Variants in PLEC observed in about 807,000 individuals in gnomAD.
The protein encoded by PLEC is hemidesmosomal protein 1.
In PLEC, 216 loss-of-function variants were observed where a neutral mutation model predicts 392.8. The ratio of observed to expected loss-of-function variants is 0.55; its 90% CI spans 0.49 to 0.62. The LOEUF (loss-of-function observed/expected upper bound fraction) is 0.62, where lower values mean the gene tolerates loss of function less well. Among genes scored for constraint, PLEC ranks in the 20% least tolerant of loss-of-function variants. PLEC has a pLI of 0.00. For missense variants in PLEC, 6,863 were observed against 6,563.4 expected (o/e 1.05, Z -1.58); for synonymous variants, 3,621 against 2,980.6 (o/e 1.21, Z -7.00).
At position 143,928,009 on chromosome 8, in the gene PLEC, G is replaced by A. The variant is rs782086377; in HGVS notation, c.3261-17C>T. 4 of 1,585,044 alleles carry A rather than the reference G, an allele frequency of 2.5e-6. No individual in the cohort carries two copies. Among genetic ancestry groups the A allele is most frequent in the African/African-American group, 2.7e-5 (2 of 74,254 alleles). ...GTCTTGAGCCTGGCGGGAAAGCGGGGCTCAGGGCCATGACATGGGGCTCGA... is the reference window on the plus strand; with the variant it reads ...GTCTTGAGCCTGGCGGGAAAGCGGGACTCAGGGCCATGACATGGGGCTCGA... On this transcript the variant is annotated splice_polypyrimidine_tract_variant and intron_variant, in intron 25 of 31. Coordinates refer to ENST00000345136, the MANE Select transcript of PLEC (RefSeq NM_201384.3).
At chr8:143,942,457 C>A, upstream of PLEC, 1 of 1,601,492 alleles carries the variant, frequency 6.2e-7, no homozygotes, top group Non-Finnish European at 8.5e-7. Flanking sequence ...GTCCAGCCAG[C>A]ACGGCCGCTC....
rs1823340361 is a variant in PLEC at position 143,922,825 on chromosome 8, C to G, written c.7104G>C (p.Leu2368=). 1.3e-6 allele frequency: 2 copies of G among 1,584,778 alleles called. No homozygotes were observed. The highest frequency in any genetic ancestry group is 1.7e-6 in the Non-Finnish European group (2 of 1,167,990). The stretch of plus-strand genomic sequence containing the variant: ...CCAGCTGCCGCTGCCGCTCGGCCTC[C>G]AGCGTCCGCTGGAAGCCCTGCGTCT... ...AEETQGFQRT[L]EAERQRQLEM... is the part of the protein sequence containing the mutation. Residue 2368 remains leucine, a synonymous_variant, in exon 31 of 32, where the codon CTG becomes CTC. Transcript: ENST00000345136.
Position 143,915,585 on chromosome 8 carries a change from G to A in PLEC, c.*592C>T, listed in dbSNP as rs1554667271. ...CCGACATGGAAGGCACTTACTAGGG[G>A]AACAGAGGCTGGAGGCTGACGCCGG... On this transcript the variant is annotated 3_prime_UTR_variant, in exon 32 of 32. Transcript: ENST00000345136. 1 of 152,686 alleles carries A rather than the reference G, an allele frequency of 6.5e-6. No homozygotes were observed. Among genetic ancestry groups the A allele is most frequent in the Non-Finnish European group, 1.5e-5 (1 of 68,296 alleles). The allele number at this position is 152,686 out of a possible 1,614,324, so 9.5% of individuals were successfully genotyped here. A position where few individuals can be genotyped will look rare whatever the true frequency, so the allele number is the denominator to read the frequency against.
At chr8:143,953,204 C>G (rs2132775509), upstream of PLEC, among the ~76,000 whole-genome samples, 1 of 151,066 alleles carries the variant, frequency 6.6e-6, no homozygotes, top group South Asian at 2.1e-4. Flanking sequence ...CACTCCAGAC[C>G]CCTTTGGGTT....
In PLEC at chr8:143,929,936, C is replaced by T. The variant is rs200436731; in HGVS notation, c.2739G>A (p.Thr913=). The change falls in exon 22 of 32, where the codon ACG becomes ACA. Residue 913 remains threonine (T), a splice_region_variant and synonymous_variant. Coordinates refer to ENST00000345136, the MANE Select transcript of PLEC (RefSeq NM_201384.3). Reference sequence around the variant, plus strand: ...GCCCCCGGCTCGGGGGCAGGCGTACCGTGGCCAGGGACCAGGAGCGGATGA... The same window carrying T: ...GCCCCCGGCTCGGGGGCAGGCGTACTGTGGCCAGGGACCAGGAGCGGATGA... The part of the protein sequence containing the change: ...VQLIRSWSLA[T]FRTLKPEEQR... 244 of 1,609,778 alleles carry T rather than the reference C, an allele frequency of 1.5e-4. 1 individual carries two copies. The East Asian group carries it at 4.3e-3, about 29-fold the overall frequency.
rs374313865 is a variant in PLEC at position 143,932,693 on chromosome 8, G to C, written c.1757C>G (p.Thr586Ser). 8 of 1,608,180 alleles carry C rather than the reference G, an allele frequency of 5.0e-6. No individual in the cohort carries two copies. In the Admixed American group the frequency reaches 6.7e-5, roughly 14 times the overall value. Reference sequence around the variant, plus strand: ...CAGGCAGTCACGGTAGGCACCCCGGGTGGCGGGGGAGAGCTGGCCCTGCAA... The same window carrying C: ...CAGGCAGTCACGGTAGGCACCCCGGCTGGCGGGGGAGAGCTGGCCCTGCAA... ...RSDEGQLSPA[T>S]RGAYRDCLGR... The change falls in exon 15 of 32, where the codon ACC (threonine) becomes AGC (serine). Residue 586 changes from threonine (T) to serine (S), a missense_variant. By Grantham distance (58) the Thr-to-Ser change is moderately conservative. Coordinates refer to ENST00000345136, the MANE Select transcript of PLEC (RefSeq NM_201384.3).
intron 30 of PLEC, 38 bp from the exon 31 acceptor site, chr8:143,925,922 A>C: frequency 3.3e-6 from 5 of 1,531,804 alleles, no homozygotes; most frequent in Non-Finnish European, 4.4e-6. Flanking sequence ...AAGCAGAGAG[A>C]GTGTGAACAC....
In PLEC at chr8:143,920,503, C is replaced by T. The variant is rs1554682022; in HGVS notation, c.9318G>A (p.Arg3106=). ...AGACGCTCTGCCCTGTGTAGGGGTC[C>T]CTGTACCCTGTCACAGCCTTCTCGG... ...LSAEKAVTGY[R]DPYTGQSVSL... is the part of the protein sequence containing the mutation. Residue 3106 remains arginine (R), a synonymous_variant, in exon 32 of 32, where the codon AGG becomes AGA. Transcript: ENST00000345136. 2 of 1,610,622 alleles carry T rather than the reference C, an allele frequency of 1.2e-6. No homozygotes were observed. The highest frequency in any genetic ancestry group is 1.3e-5 in the African/African-American group (1 of 75,036).
rs782647747 is a variant in PLEC, at chr8:143,929,866, C to T, written c.2740-37G>A. 19 of 1,600,338 alleles carry T rather than the reference C, an allele frequency of 1.2e-5. 1 individual carries two copies. The highest frequency in any genetic ancestry group is 6.6e-5 in the South Asian group (6 of 90,842). ...ACGTGGGGCTGAGTGCCGGGCGAGG[C>T]GGCCGTGCCCTGCACAACGCCTCTC... On this transcript the variant is annotated intron_variant, in intron 22 of 31. Transcript: ENST00000345136.
chr8:143,960,489 T>C (rs1414614275), intron 1 of PLEC, among the ~76,000 whole-genome samples: 9 of 150,378 alleles, frequency 6.0e-5, no homozygotes, highest in Admixed American at 4.6e-4. Flanking sequence ...TGGTGGCGGG[T>C]GCCTGTAATC....
At chr8:143,956,431 G>A (rs1041430562), upstream of PLEC, among the ~76,000 whole-genome samples, 1 of 152,184 alleles carries the variant, frequency 6.6e-6, no homozygotes, top group Non-Finnish European at 1.5e-5. Flanking sequence ...ATCCTGACAC[G>A]GTGGCCTGGG....
Position 143,922,347 on chromosome 8 carries a change from G to A in PLEC, c.7474C>T (p.Gln2492Ter). The change falls in exon 32 of 32, where the codon CAG becomes TAG. Residue 2492 changes from glutamine (Q) to a stop codon, truncating the protein, a stop_gained. Coordinates refer to ENST00000345136, the MANE Select transcript of PLEC (RefSeq NM_201384.3). LOFTEE classifies it low-confidence loss of function (END_TRUNC). Reference protein sequence around the residue: ...EQLLQETQALQQSFLSEKDSL... With the variant: ...EQLLQETQAL ...TCCTTTTCAGAGAGGAAGCTTTGCT[G>A]CAGGGCCTGCGTCTCCTGCAGCAGC... 1 of 1,605,172 alleles carries A rather than the reference G, an allele frequency of 6.2e-7. No homozygotes were observed. The highest frequency in any genetic ancestry group is 8.5e-7 in the Non-Finnish European group (1 of 1,179,964).
chr8:143,952,264 G>A (rs1365593200), upstream of PLEC, among the ~76,000 whole-genome samples: 4 of 152,158 alleles, frequency 2.6e-5, no homozygotes, highest in South Asian at 4.1e-4. Context: ...GTGTGGTGGC[G>A]GGGAAACTCC....
intron 1 of PLEC, among the ~76,000 whole-genome samples, chr8:143,972,267 A>C (rs1833467159): frequency 6.6e-6 from 1 of 152,190 alleles, no homozygotes; most frequent in Admixed American, 6.5e-5. Context: ...GGCCATGTAG[A>C]GCATGAGCAA....
upstream of PLEC, among the ~76,000 whole-genome samples, chr8:143,952,206 ACACGCGCG>A (rs782509556): frequency 1.0e-4 from 13 of 124,028 alleles, no homozygotes; most frequent in African/African-American, 9.5e-5. Flanking sequence ...ACACACACAC[ACACGCGCG>A]CACACACGCA....
chr8:143,975,521 A>C (rs1833631504), upstream of PLEC: 1 of 688,234 alleles, frequency 1.5e-6, no homozygotes, highest in African/African-American at 1.8e-5. The surrounding 1 kb of genome is among the most constrained non-coding windows in gnomAD (Gnocchi z 9.9). Context: ...CCCCTCCTGC[A>C]CTCTGCTGTA....
upstream of PLEC, among the ~76,000 whole-genome samples, chr8:143,974,134 A>G (rs1238569822): frequency 1.3e-5 from 2 of 152,212 alleles, no homozygotes; most frequent in Non-Finnish European, 2.9e-5. The surrounding 1 kb of genome is among the most constrained non-coding windows in gnomAD (Gnocchi z 5.9). Context: ...GCTTAATGCC[A>G]TATGTCCTGT....
At chr8:143,968,529 C>CAAAAAAAAAA (rs57468544) in intron 1 of PLEC, among the ~76,000 whole-genome samples, 1,245 of 63,012 alleles carry the variant, frequency 0.02, 94 homozygotes, top group African/African-American at 0.044. Context: ...AACTCCATCT[C>CAAAAAAAAAA]AAAAAAAAAA....
At position 143,922,027 on chromosome 8, in the gene PLEC, C is replaced by T. The variant is rs1822963352; in HGVS notation, c.7794G>A (p.Leu2598=). The change falls in exon 32 of 32, where the codon CTG becomes CTA. Residue 2598 remains leucine, a synonymous_variant. Transcript: ENST00000345136. Reference sequence around the variant, plus strand: ...CCCGGTGCTGCTCCTCCAGGAGCTGCAGCTGCTCACGCAGCCTCTGGTTCT... The same window carrying T: ...CCCGGTGCTGCTCCTCCAGGAGCTGTAGCTGCTCACGCAGCCTCTGGTTCT... ...AEENQRLREQ[L]QLLEEQHRAA... 7 of 1,596,974 alleles carry T rather than the reference C, an allele frequency of 4.4e-6. No homozygotes were observed. Among genetic ancestry groups the T allele is most frequent in the South Asian group, 1.1e-5 (1 of 90,782 alleles).
Sources: gnomAD v4.1 joint callset for allele counts (sites outside exome capture counted in the v4.1 genomes callset) on GRCh38, gnomAD v4.1.1 for gene constraint, Gnocchi (gnomAD v3.1) non-coding constraint, MANE v1.5 for transcripts, NCBI Gene and HGNC (gene_info 2026-07-23, HGNC 2026-07-21) for gene names.